ZNF831: variants seen among roughly 807,000 people sequenced by gnomAD.
ZNF831 encodes the protein zinc finger protein 831.
A neutral mutation model predicts 95.8 loss-of-function variants in ZNF831; 59 were observed. That is an observed-to-expected ratio of 0.62 (90% CI 0.50 to 0.77). The LOEUF (loss-of-function observed/expected upper bound fraction) is 0.77. ZNF831 is among the 30% of genes least tolerant of loss of function. The probability of loss-of-function intolerance (pLI) is 0.00; values close to 1 mark genes in which losing one functional copy is unlikely to be tolerated. For missense variants in ZNF831, 2,205 were observed against 2,164.0 expected (o/e 1.02, Z -0.38); for synonymous variants, 961 against 925.5 (o/e 1.04, Z -0.70).
intron 4 of ZNF831, among the ~76,000 whole-genome samples, chr20:59,226,950 C>T (rs887915360): frequency 3.9e-4 from 59 of 152,266 alleles, no homozygotes; most frequent in Middle Eastern, 3.4e-3. Context: ...GACATTAGGA[C>T]AGTCACTTTC....
At chr20:59,124,130 C>T (rs1979090286) in intron 1 of ZNF831, among the ~76,000 whole-genome samples, 1 of 152,120 alleles carries the variant, frequency 6.6e-6, no homozygotes, top group Non-Finnish European at 1.5e-5. Context: ...GGTGATCCTC[C>T]AGCAGCTCAG....
chr20:59,177,785 C>T (rs143449537), intron 1 of ZNF831, among the ~76,000 whole-genome samples: 86 of 152,300 alleles, frequency 5.6e-4, no homozygotes, highest in Non-Finnish European at 1.0e-3. Flanking sequence ...AGAGCAGAAG[C>T]GTGCAAGCTT....
At chr20:59,142,272 A>G (rs909273543) in intron 1 of ZNF831, among the ~76,000 whole-genome samples, 3 of 152,176 alleles carry the variant, frequency 2.0e-5, no homozygotes, top group Non-Finnish European at 4.4e-5. Flanking sequence ...CTCCCATGGA[A>G]AGAGTAACTG....
chr20:59,213,128 CCTT>C (rs1018368911), intron 4 of ZNF831, among the ~76,000 whole-genome samples: 1 of 152,034 alleles, frequency 6.6e-6, no homozygotes, highest in African/African-American at 2.4e-5. Context: ...GGGTGGGAGT[CCTT>C]CTTGATGACC....
intron 3 of ZNF831, among the ~76,000 whole-genome samples, chr20:59,200,256 C>A (rs1183507041): frequency 3.9e-5 from 6 of 152,134 alleles, no homozygotes; most frequent in African/African-American, 1.4e-4. Flanking sequence ...GTAAAAAATT[C>A]TTAGCCATCA....
chr20:59,244,609 A>G (rs1987501552), intron 4 of ZNF831, among the ~76,000 whole-genome samples: 1 of 152,208 alleles, frequency 6.6e-6, no homozygotes, highest in Non-Finnish European at 1.5e-5. Flanking sequence ...ACTTCCAGCC[A>G]CACTGCCCCT....
At chr20:59,154,735 C>A (rs1980435862) in intron 2 of ZNF831, among the ~76,000 whole-genome samples, 1 of 152,244 alleles carries the variant, frequency 6.6e-6, no homozygotes, top group African/African-American at 2.4e-5. Context: ...CTGGTTTCTG[C>A]ATTGCAGGGA....
At position 59,191,325 on chromosome 20, in the gene ZNF831, C is replaced by T. The variant is rs746198122; in HGVS notation, c.306C>T (p.Pro102=). The T allele has an allele frequency of 1.9e-6, 3 of 1,602,080 alleles. No individual in the cohort carries two copies. The highest frequency in any genetic ancestry group is 2.6e-6 in the Non-Finnish European group (3 of 1,174,466). The part of the protein sequence containing the change: ...SPVLQPEGPG[P]TQVGKPAAPT... ...TGCTGCAGCCTGAAGGGCCTGGCCC[C>T]ACCCAGGTGGGGAAGCCGGCGGCCC... Residue 102 remains proline, a synonymous_variant, in exon 2 of 6, where the codon CCC becomes CCT. Coordinates refer to ENST00000371030, the MANE Select transcript of ZNF831 (RefSeq NM_178457.3).
Position 59,254,903 on chromosome 20 carries a change from C to G in ZNF831, c.*160C>G, listed in dbSNP as rs41301839. On this transcript the variant is annotated 3_prime_UTR_variant, in exon 6 of 6. Coordinates refer to ENST00000371030, the MANE Select transcript of ZNF831 (RefSeq NM_178457.3). The surrounding 1 kb of genome is among the most constrained non-coding windows in gnomAD (Gnocchi z 4.5). The stretch of plus-strand genomic sequence containing the variant: ...CAAGCCAACTCCAACCAACTTCTGA[C>G]CCCCAACTCAGCCGCAGCGTTCCCC... 0.026 allele frequency: 26,013 copies of G among 988,850 alleles called. 481 individuals are homozygous for G. Among genetic ancestry groups the G allele is most frequent in the South Asian group, 0.032 (1,762 of 55,388 alleles). 61.3% of individuals were successfully genotyped at this position (988,850 alleles called of 1,614,324 possible). A position where few individuals can be genotyped will look rare whatever the true frequency, so the allele number is the denominator to read the frequency against.
intron 5 of ZNF831, 25 bp from the exon 6 acceptor site, chr20:59,253,873 T>A (rs749796346): frequency 2.6e-6 from 2 of 760,144 alleles, no homozygotes; most frequent in African/African-American, 2.1e-5. Flanking sequence ...CCCCCACTTT[T>A]TTTTTCCTTT....
At chr20:59,144,955 G>A (rs369714542) in intron 1 of ZNF831, among the ~76,000 whole-genome samples, 27 of 152,312 alleles carry the variant, frequency 1.8e-4, no homozygotes, top group East Asian at 1.5e-3. Flanking sequence ...GCTTGTTCCT[G>A]TTACCTGGCC....
upstream of ZNF831, among the ~76,000 whole-genome samples, chr20:59,162,732 C>T (rs1980948895): frequency 6.6e-6 from 1 of 152,040 alleles, no homozygotes; most frequent in Non-Finnish European, 1.5e-5. Context: ...AATGTGATGC[C>T]TCTGGCTTTG....
intron 2 of ZNF831, among the ~76,000 whole-genome samples, chr20:59,148,637 GCCACTGCACT>G (rs1980024765): frequency 1.0e-5 from 1 of 96,060 alleles, no homozygotes; most frequent in Non-Finnish European, 2.0e-5. Flanking sequence ...TCGAGATCGC[GCCACTGCACT>G]CCAGCCTGGG....
intron 1 of ZNF831, among the ~76,000 whole-genome samples, chr20:59,186,731 C>T (rs1363513670): frequency 6.6e-6 from 1 of 152,190 alleles, no homozygotes; most frequent in East Asian, 1.9e-4. Flanking sequence ...CTGTTAATCT[C>T]TAAAGATTCC....
intron 1 of ZNF831, among the ~76,000 whole-genome samples, chr20:59,183,689 C>T (rs1385216965): frequency 6.6e-6 from 1 of 152,200 alleles, no homozygotes; most frequent in Non-Finnish European, 1.5e-5. Flanking sequence ...CTTTTCACAT[C>T]TCTTTTAAAA....
intron 1 of ZNF831, among the ~76,000 whole-genome samples, chr20:59,137,083 T>C (rs943944507): frequency 1.3e-5 from 2 of 152,204 alleles, no homozygotes; most frequent in Admixed American, 1.3e-4. Flanking sequence ...TCTTTGACTT[T>C]GTGGATCCAT....
intron 1 of ZNF831, among the ~76,000 whole-genome samples, chr20:59,175,501 C>T (rs259979): frequency 0.23 from 35,043 of 151,656 alleles, 5,441 homozygotes; most frequent in African/African-American, 0.45. Flanking sequence ...TCAAGTTCAC[C>T]GATTCTTTTT....
rs1225528900 is a variant in ZNF831 at position 59,192,190 on chromosome 20, G to T, written c.1171G>T (p.Gly391Trp). The change falls in exon 2 of 6, where the codon GGG (glycine) becomes TGG (tryptophan). Residue 391 changes from glycine to tryptophan, a missense_variant. Gly to Trp is a radical substitution (Grantham distance 184). Transcript: ENST00000371030. The surrounding 1 kb of genome is among the most constrained non-coding windows in gnomAD (Gnocchi z 5.2). ...PGPGVAGAEP[G>W]AREAGLELEK... ...GCCAGGGGTCGCAGGGGCCGAGCCC[G>T]GGGCGCGAGAAGCCGGCCTGGAGCT... is the stretch of plus-strand genomic sequence containing the variant. 6.4e-7 allele frequency: 1 copy of T among 1,572,034 alleles called. No homozygotes were observed. Among genetic ancestry groups the T allele is most frequent in the Admixed American group, 1.8e-5 (1 of 54,252 alleles).
Position 59,249,906 on chromosome 20 carries a change from G to A in ZNF831, c.4028-3072G>A, listed in dbSNP as rs865934859. Among the ~76,000 whole-genome samples, 16 of 152,222 alleles carry A rather than the reference G, an allele frequency of 1.1e-4. No individual in the cohort carries two copies. In the Middle Eastern group the frequency reaches 0.017, roughly 162 times the overall value. ...ATAAGCTCACAAGGAGAAACGACTTGGAGAAGAAATGATGCCACCAGTTTG... is the reference window on the plus strand; with the variant it reads ...ATAAGCTCACAAGGAGAAACGACTTAGAGAAGAAATGATGCCACCAGTTTG... On this transcript the variant is annotated intron_variant, in intron 4 of 5. Transcript: ENST00000371030.
Sources: allele counts gnomAD v4.1 joint callset (sites outside exome capture counted in the v4.1 genomes callset), GRCh38; gene constraint gnomAD v4.1.1; non-coding constraint Gnocchi (gnomAD v3.1); transcripts MANE v1.5; gene names NCBI Gene and HGNC (gene_info 2026-07-23, HGNC 2026-07-21).